The following SYN3 variants were observed in gnomAD, a reference collection of about 807,000 sequenced individuals.
SYN3 encodes the protein synapsin-3.
SYN3 carries 35 observed loss-of-function variants against 65.8 expected under a neutral mutation model. The observed-to-expected ratio is 0.53, with a 90% CI of 0.41 to 0.70. The LOEUF (loss-of-function observed/expected upper bound fraction) is 0.70. Among genes scored for constraint, SYN3 ranks in the 30% least tolerant of loss-of-function variants. The probability of loss-of-function intolerance (pLI) is 0.00; values close to 1 mark genes in which losing one functional copy is unlikely to be tolerated. For missense variants in SYN3, 680 were observed against 749.0 expected (o/e 0.91, Z 1.08); for synonymous variants, 270 against 292.9 (o/e 0.92, Z 0.80).
chr22:32,916,970 G>T (rs2050201693), intron 4 of SYN3, among the ~76,000 whole-genome samples: 1 of 152,118 alleles, frequency 6.6e-6, no homozygotes, highest in Non-Finnish European at 1.5e-5. Context: ...CCCTAAGATG[G>T]TCTCCCCCCA....
At chr22:32,735,544 T>A (rs1000205441) in intron 6 of SYN3, among the ~76,000 whole-genome samples, 1 of 152,122 alleles carries the variant, frequency 6.6e-6, no homozygotes, top group African/African-American at 2.4e-5. Context: ...TGTTTGTTTG[T>A]TTTTTCCCCC....
intron 1 of SYN3, among the ~76,000 whole-genome samples, chr22:33,053,100 A>G (rs1246557375): frequency 6.6e-6 from 1 of 152,180 alleles, no homozygotes; most frequent in African/African-American, 2.4e-5. Context: ...CAATGGCTCC[A>G]TATCCCAAGT....
chr22:33,009,482 G>T (rs970149468), intron 1 of SYN3, among the ~76,000 whole-genome samples: 9 of 151,624 alleles, frequency 5.9e-5, no homozygotes, highest in Admixed American at 3.3e-4. Flanking sequence ...TTTTATTTTT[G>T]ATTTGTAGGA....
intron 6 of SYN3, among the ~76,000 whole-genome samples, chr22:32,648,721 T>C (rs2060019495): frequency 1.3e-5 from 2 of 152,174 alleles, no homozygotes; most frequent in South Asian, 4.1e-4. Context: ...CCTCTTGAGG[T>C]TGCTGAAAGA....
chr22:32,702,884 A>C (rs1309007165), intron 6 of SYN3, among the ~76,000 whole-genome samples: 2 of 152,264 alleles, frequency 1.3e-5, no homozygotes, highest in African/African-American at 4.8e-5. Flanking sequence ...CAAAGAAACT[A>C]GAATAATAAC....
At chr22:32,630,146 G>C (rs1392121840) in intron 6 of SYN3, among the ~76,000 whole-genome samples, 3 of 152,094 alleles carry the variant, frequency 2.0e-5, no homozygotes, top group South Asian at 2.1e-4. Context: ...ACCATGCCCA[G>C]CTAATTTTTG....
intron 6 of SYN3, among the ~76,000 whole-genome samples, chr22:32,612,704 T>C (rs944889225): frequency 6.6e-6 from 1 of 152,006 alleles, no homozygotes; most frequent in Non-Finnish European, 1.5e-5. Context: ...TAGCCAGGCA[T>C]GGTGGCACAT....
intron 6 of SYN3, among the ~76,000 whole-genome samples, chr22:32,747,822 C>A (rs893180095): frequency 2.0e-5 from 3 of 152,242 alleles, no homozygotes; most frequent in Admixed American, 6.5e-5. Flanking sequence ...GACTTGGAGA[C>A]TGACCTGTCC....
chr22:32,690,769 A>T (rs1601920834), intron 6 of SYN3, among the ~76,000 whole-genome samples: 1 of 152,188 alleles, frequency 6.6e-6, no homozygotes, highest in Non-Finnish European at 1.5e-5. Flanking sequence ...AAAGATGATC[A>T]AGGAAGGATA....
intron 6 of SYN3, among the ~76,000 whole-genome samples, chr22:32,621,989 T>C (rs1418802531): frequency 2.0e-5 from 3 of 151,756 alleles, no homozygotes; most frequent in Non-Finnish European, 2.9e-5. Context: ...ATATAACTCT[T>C]CTGCTTGACC....
chr22:32,638,358 C>A (rs1003785160), intron 6 of SYN3, among the ~76,000 whole-genome samples: 11 of 152,120 alleles, frequency 7.2e-5, no homozygotes, highest in Non-Finnish European at 1.3e-4. Context: ...AATGGTAGTT[C>A]TGTTTTAAGT....
At chr22:32,857,211 T>C (rs749078043) in intron 6 of SYN3, 2 of 1,535,728 alleles carry the variant, frequency 1.3e-6, no homozygotes. Flanking sequence ...GTGTCCAAAC[T>C]GGGAAAGAAG....
chr22:32,775,398 C>T (rs766878458), intron 6 of SYN3, among the ~76,000 whole-genome samples: 1 of 152,146 alleles, frequency 6.6e-6, no homozygotes, highest in Non-Finnish European at 1.5e-5. Context: ...GCATCTGAGC[C>T]ACAAACACCT....
chr22:32,956,315 C>T (rs900399342), intron 3 of SYN3, among the ~76,000 whole-genome samples: 3 of 151,922 alleles, frequency 2.0e-5, no homozygotes, highest in African/African-American at 7.3e-5. Flanking sequence ...ACCACCACGC[C>T]CAGCTAATTT....
chr22:32,784,499 G>T (rs1488303855), intron 6 of SYN3, among the ~76,000 whole-genome samples: 1 of 152,170 alleles, frequency 6.6e-6, no homozygotes, highest in Non-Finnish European at 1.5e-5. Context: ...GAGGAAGTAG[G>T]TGCTTCCTCA....
At chr22:33,034,840 G>A (rs1230770398) in intron 1 of SYN3, among the ~76,000 whole-genome samples, 1 of 152,132 alleles carries the variant, frequency 6.6e-6, no homozygotes, top group East Asian at 1.9e-4. Context: ...ATCTCGAGAT[G>A]CAGCCCTTCA....
At chr22:32,773,597 G>C (rs1780172187) in intron 6 of SYN3, among the ~76,000 whole-genome samples, 1 of 152,072 alleles carries the variant, frequency 6.6e-6, no homozygotes, top group Admixed American at 6.5e-5. Context: ...CTTCAATTCT[G>C]GTTGATGTCA....
At chr22:32,513,955 C>CATTCCA (rs2146044157) in intron 13 of SYN3, 131 bp from the exon 14 acceptor site, 1 of 1,133,622 alleles carries the variant, frequency 8.8e-7, no homozygotes, top group East Asian at 2.5e-5. Context: ...AGAAACCAGG[C>CATTCCA]ATTCCAATGC....
At position 32,572,671 on chromosome 22, in the gene SYN3, C is replaced by T. The variant is rs546061210; in HGVS notation, c.774+24003G>A. Among the ~76,000 whole-genome samples, 13 of 151,736 alleles carry T rather than the reference C, an allele frequency of 8.6e-5. No individual in the cohort carries two copies. In the South Asian group the frequency reaches 2.7e-3, roughly 32 times the overall value. ...AATGATAGCTCACCGCAGCCTTGAC[C>T]CCCTGGGCTCAAGCAATCCTCCTGC... is the stretch of plus-strand genomic sequence containing the variant. On this transcript the variant is annotated intron_variant, in intron 7 of 13. Transcript: ENST00000358763.
Sources: allele counts gnomAD v4.1 joint callset (sites outside exome capture counted in the v4.1 genomes callset), GRCh38; gene constraint gnomAD v4.1.1; transcripts MANE v1.5; gene names NCBI Gene and HGNC (gene_info 2026-07-23, HGNC 2026-07-21).